The following MIS18BP1 variants were observed in gnomAD, a reference collection of about 807,000 sequenced individuals.
The protein encoded by MIS18BP1 is mis18-binding protein 1.
In MIS18BP1, 72 loss-of-function variants were observed where a neutral mutation model predicts 116.1. That is an observed-to-expected ratio of 0.62 (90% CI 0.51 to 0.75). The LOEUF is 0.75. Among genes scored for constraint, MIS18BP1 ranks in the 30% least tolerant of loss-of-function variants. The pLI is 0.00. For missense variants in MIS18BP1, 1,363 were observed against 1,303.2 expected (o/e 1.05, Z -0.71); for synonymous variants, 386 against 427.0 (o/e 0.90, Z 1.18).
chr14:45,204,325 T>C, intron 16 of MIS18BP1, 74 bp downstream of exon 16: 2 of 1,546,292 alleles, frequency 1.3e-6, no homozygotes, highest in Middle Eastern at 1.8e-4. Context: ...GAGCAATTAA[T>C]TTTAATACCA....
intron 1 of MIS18BP1, 56 bp downstream of exon 1, chr14:45,252,979 C>G (rs2139269610): frequency 6.6e-6 from 1 of 152,388 alleles, no homozygotes; most frequent in African/African-American, 2.4e-5. Flanking sequence ...GGCAGACGCC[C>G]ACCATCTGCG....
At position 45,232,722 on chromosome 14, in the gene MIS18BP1, C is replaced by A; in HGVS notation, c.1436+11G>T. On this transcript the variant is annotated intron_variant, in intron 7 of 16. Coordinates refer to ENST00000310806, the MANE Select transcript of MIS18BP1 (RefSeq NM_018353.5). Reference sequence around the variant, plus strand: ...AAAGTTGACTTCTAAAAACATAAAACAACATTTTACCTTAATTGTTCCAGA... The same window carrying A: ...AAAGTTGACTTCTAAAAACATAAAAAAACATTTTACCTTAATTGTTCCAGA... 2 of 1,370,510 alleles carry A rather than the reference C, an allele frequency of 1.5e-6. No homozygotes were observed. Among genetic ancestry groups the A allele is most frequent in the African/African-American group, 1.5e-5 (1 of 68,358 alleles). The allele number at this position is 1,370,510 out of a possible 1,614,324, so 84.9% of individuals were successfully genotyped here. A position where few individuals can be genotyped will look rare whatever the true frequency, so the allele number is the denominator to read the frequency against.
At chr14:45,204,364 A>T in intron 16 of MIS18BP1, 35 bp downstream of exon 16, 1 of 1,586,288 alleles carries the variant, frequency 6.3e-7, no homozygotes, top group African/African-American at 1.4e-5. Context: ...CTTATAATAG[A>T]ACTGAGCCAC....
intron 11 of MIS18BP1, 144 bp from the exon 12 acceptor site, chr14:45,218,598 G>T (rs1890888128): frequency 8.7e-6 from 7 of 800,814 alleles, no homozygotes; most frequent in Non-Finnish European, 1.3e-5. Flanking sequence ...AATTAAGAAA[G>T]ATATTATTCC....
intron 15 of MIS18BP1, among the ~76,000 whole-genome samples, chr14:45,205,714 C>T (rs548750002): frequency 1.3e-5 from 2 of 152,096 alleles, no homozygotes; most frequent in Non-Finnish European, 2.9e-5. Flanking sequence ...AAATTTCTTA[C>T]TTTATGAGAA....
intron 14 of MIS18BP1, among the ~76,000 whole-genome samples, chr14:45,207,706 A>G (rs768923279): frequency 6.6e-6 from 1 of 152,222 alleles, no homozygotes; most frequent in Middle Eastern, 3.2e-3. Context: ...TGGTAAGTCT[A>G]TTATCAAAGA....
chr14:45,244,538 A>C (rs559397316), intron 2 of MIS18BP1, among the ~76,000 whole-genome samples: 2 of 152,238 alleles, frequency 1.3e-5, no homozygotes, highest in African/African-American at 4.8e-5. Flanking sequence ...TATTTGGCAA[A>C]ATTACAACCC....
At chr14:45,233,145 A>G (rs1272712186) in intron 6 of MIS18BP1, among the ~76,000 whole-genome samples, 1 of 152,218 alleles carries the variant, frequency 6.6e-6, no homozygotes, top group East Asian at 1.9e-4. Context: ...AAGGATAATC[A>G]GGGAAGTCTT....
chr14:45,235,959 T>A lies in MIS18BP1; in HGVS notation c.1218-15A>T. 2.5e-6 allele frequency: 4 copies of A among 1,584,590 alleles called. No homozygotes were observed. The highest frequency in any genetic ancestry group is 2.2e-5 in the East Asian group (1 of 44,468). ...TAGTGACGTCTCTAGGAAAAAAAAA[T>A]AGTTTTGGTAAGGTCAAAATATTCA... On this transcript the variant is annotated splice_polypyrimidine_tract_variant and intron_variant, in intron 5 of 16. Coordinates refer to ENST00000310806, the MANE Select transcript of MIS18BP1 (RefSeq NM_018353.5).
At chr14:45,210,221 G>T in intron 14 of MIS18BP1, 159 bp downstream of exon 14, 1 of 686,640 alleles carries the variant, frequency 1.5e-6, no homozygotes, top group Non-Finnish European at 2.3e-6. Flanking sequence ...ACCCCGATTT[G>T]ATGAACTTGT....
intron 14 of MIS18BP1, chr14:45,210,099 A>G (rs1474104260): frequency 4.1e-6 from 1 of 243,470 alleles, no homozygotes; most frequent in East Asian, 9.3e-5. Flanking sequence ...TAATTCTCCA[A>G]GGTTTCTTTA....
At chr14:45,225,181 T>C (rs1891091656) in intron 10 of MIS18BP1, among the ~76,000 whole-genome samples, 1 of 152,168 alleles carries the variant, frequency 6.6e-6, no homozygotes, top group Admixed American at 6.5e-5. Context: ...ACAAAATCAC[T>C]ACCTGCTTCG....
Position 45,237,725 on chromosome 14 carries a change from A to G in MIS18BP1, c.1144-4T>C, listed in dbSNP as rs1891466997. The G allele has an allele frequency of 3.1e-6, 5 of 1,597,178 alleles. No individual in the cohort carries two copies. The East Asian group carries it at 1.1e-4, about 36-fold the overall frequency. On this transcript the variant is annotated splice_region_variant and splice_polypyrimidine_tract_variant and intron_variant, in intron 4 of 16. Transcript: ENST00000310806. The stretch of plus-strand genomic sequence containing the variant: ...TCCATTCCTGTAGCTGAACTACCTA[A>G]TCAAGTATAAAACAAAGAACATATT...
intron 13 of MIS18BP1, among the ~76,000 whole-genome samples, chr14:45,210,746 C>A (rs1290436176): frequency 6.6e-6 from 1 of 152,146 alleles, no homozygotes; most frequent in Non-Finnish European, 1.5e-5. Flanking sequence ...TCTGGAAATG[C>A]CTCTAAGATT....
At chr14:45,210,149 T>A in intron 14 of MIS18BP1, 1 of 363,634 alleles carries the variant, frequency 2.8e-6, no homozygotes. Context: ...AAAACCTTGA[T>A]CCATTTCGAA....
At chr14:45,242,010 T>C (rs753110293) in intron 4 of MIS18BP1, 24 bp downstream of exon 4, 2 of 1,563,008 alleles carry the variant, frequency 1.3e-6, no homozygotes, top group East Asian at 2.3e-5. Context: ...TAGAAATAAA[T>C]ATCTGTCTTA....
At chr14:45,240,594 A>C (rs1217448575) in intron 4 of MIS18BP1, among the ~76,000 whole-genome samples, 1 of 152,118 alleles carries the variant, frequency 6.6e-6, no homozygotes, top group Non-Finnish European at 1.5e-5. Flanking sequence ...GACCTCTTTC[A>C]AATGTCTTGC....
chr14:45,208,242 T>C (rs1594496586), intron 14 of MIS18BP1, among the ~76,000 whole-genome samples: 1 of 152,202 alleles, frequency 6.6e-6, no homozygotes, highest in South Asian at 2.1e-4. Flanking sequence ...AAACTTTCAG[T>C]ATTATGTTTT....
At chr14:45,214,067 T>C (rs2139155445) in intron 13 of MIS18BP1, among the ~76,000 whole-genome samples, 1 of 152,290 alleles carries the variant, frequency 6.6e-6, no homozygotes, top group East Asian at 1.9e-4. Context: ...CCAAGGTTTC[T>C]CCCCATGTGA....
Sources: allele counts gnomAD v4.1 joint callset (sites outside exome capture counted in the v4.1 genomes callset), GRCh38; gene constraint gnomAD v4.1.1; transcripts MANE v1.5; gene names NCBI Gene and HGNC (gene_info 2026-07-23, HGNC 2026-07-21).